Variants in PHKG2 observed in about 807,000 individuals in gnomAD.
PHKG2 encodes the protein phosphorylase b kinase gamma catalytic chain, liver/testis isoform.
Under a neutral mutation model 44.5 loss-of-function variants are expected in PHKG2, and 28 were observed. That is an observed-to-expected ratio of 0.63 (90% CI 0.47 to 0.86). PHKG2 has a LOEUF of 0.86. PHKG2 is among the 40% of genes least tolerant of loss of function. The pLI is 0.00. For synonymous variants in PHKG2, 220 were observed against 211.2 expected, an observed-to-expected ratio of 1.04 and a Z score of -0.36; for missense variants, 498 against 547.5, an observed-to-expected ratio of 0.91 and a Z score of 0.90.
Position 30,751,275 on chromosome 16 carries a change from C to A in PHKG2, c.265C>A (p.His89Asn). The A allele has an allele frequency of 1.9e-6, 3 of 1,609,448 alleles. No individual in the cohort carries two copies. Among genetic ancestry groups the A allele is most frequent in the South Asian group, 2.2e-5 (2 of 91,082 alleles). Residue 89 changes from histidine to asparagine, a missense_variant, in exon 3 of 10, where the codon CAC (histidine) becomes AAC (asparagine). His to Asn is a moderately conservative substitution (Grantham distance 68). Transcript: ENST00000563588. ...HILRQVAGHP[H>N]IITLIDSYES... Reference sequence around the variant, plus strand: ...CCTTCGCCAGGTCGCCGGCCACCCCCACATCAGTGAGGCTGTCTTCCTTGC... The same window carrying A: ...CCTTCGCCAGGTCGCCGGCCACCCCAACATCAGTGAGGCTGTCTTCCTTGC...
chr16:30,757,093 G>A lies in PHKG2; in HGVS notation c.1217G>A (p.Gly406Asp). The change falls in exon 10 of 10, where the codon GGC becomes GAC. Residue 406 changes from glycine to aspartate, a missense_variant. Transcript: ENST00000563588. The stretch of plus-strand genomic sequence containing the variant: ...GAGGATGAGGCCGTGCTTGTGCTGG[G>A]CTAGGACCTCAACCCCAGGGATTCC... Reference protein sequence around the residue: ...ITEDEAVLVLG With the variant: ...ITEDEAVLVLD 6.2e-7 allele frequency: 1 copy of A among 1,613,268 alleles called. No homozygotes were observed. The highest frequency in any genetic ancestry group is 8.5e-7 in the Non-Finnish European group (1 of 1,180,018).
rs372158952 is a variant in PHKG2 at position 30,755,462 on chromosome 16, G to T, written c.557-720G>T. The stretch of plus-strand genomic sequence containing the variant: ...GGAGCCCGAGGTGGGCGGATCACGA[G>T]TCAGGAGTTCAAGACCAGCCTGGCC... On this transcript the variant is annotated intron_variant, in intron 6 of 9. Transcript: ENST00000563588. Among the ~76,000 whole-genome samples, 136 of 152,158 alleles carry T rather than the reference G, an allele frequency of 8.9e-4. 2 individuals are homozygous for T. The highest frequency in any genetic ancestry group is 3.4e-3 in the Middle Eastern group (1 of 294).
rs1262111065 is a variant in PHKG2 at position 30,760,254 on chromosome 16, G to A, written c.*3157G>A. ...CAGGCCCGGTTCCTCTTCTCCCTGG[G>A]GCTCAAACCTGGTAGCTGCCCCCTC... On this transcript the variant is annotated 3_prime_UTR_variant, in exon 10 of 10. Coordinates refer to ENST00000563588, the MANE Select transcript of PHKG2 (RefSeq NM_000294.3). 1.9e-6 allele frequency: 3 copies of A among 1,613,806 alleles called. No individual in the cohort carries two copies. Among genetic ancestry groups the A allele is most frequent in the Non-Finnish European group, 2.5e-6 (3 of 1,180,032 alleles).
Position 30,757,382 on chromosome 16 carries a change from G to A in PHKG2, c.*285G>A, listed in dbSNP as rs931978984. The A allele has an allele frequency of 1.9e-6, 3 of 1,544,456 alleles. No individual in the cohort carries two copies. The highest frequency in any genetic ancestry group is 3.9e-5 in the Admixed American group (2 of 50,960). ...CAGGGAGAACAGGTGTCCTGTGTCT[G>A]TCTGGCTTGGGCAGGAAAGCCCAGA... is the stretch of plus-strand genomic sequence containing the variant. On this transcript the variant is annotated 3_prime_UTR_variant, in exon 10 of 10. Coordinates refer to ENST00000563588, the MANE Select transcript of PHKG2 (RefSeq NM_000294.3).
Position 30,759,335 on chromosome 16 carries a change from C to G in PHKG2, c.*2238C>G. The G allele has an allele frequency of 6.2e-7, 1 of 1,613,256 alleles. No homozygotes were observed. The highest frequency in any genetic ancestry group is 8.5e-7 in the Non-Finnish European group (1 of 1,179,308). ...AGGGTGGCTCCTCATGGTCCACCAC[C>G]CCCTACCTGGGGTGTGAAGACGTAT... is the stretch of plus-strand genomic sequence containing the variant. On this transcript the variant is annotated 3_prime_UTR_variant, in exon 10 of 10. Transcript: ENST00000563588.
rs2151310822 is a variant in PHKG2 at position 30,756,911 on chromosome 16, A to G, written c.1035A>G (p.Ser345=). 1 of 1,614,106 alleles carries G rather than the reference A, an allele frequency of 6.2e-7. No individual in the cohort carries two copies. The change falls in exon 10 of 10, where the codon TCA becomes TCG. Residue 345 remains serine (S), a synonymous_variant. Coordinates refer to ENST00000563588, the MANE Select transcript of PHKG2 (RefSeq NM_000294.3). ...TGAGGGACCCTTATGCGCTGCGGTC[A>G]GTGCGGCACCTCATCGACAACTGTG... ...ALLRDPYALR[S]VRHLIDNCAF...
Position 30,756,933 on chromosome 16 carries a change from T to C in PHKG2, c.1057T>C (p.Cys353Arg). The C allele has an allele frequency of 6.2e-7, 1 of 1,613,890 alleles. No individual in the cohort carries two copies. The highest frequency in any genetic ancestry group is 8.5e-7 in the Non-Finnish European group (1 of 1,180,020). Residue 353 changes from cysteine (C) to arginine (R), a missense_variant, in exon 10 of 10, where the codon TGT becomes CGT. By Grantham distance (180) the Cys-to-Arg change is radical (BLOSUM62 -3). Coordinates refer to ENST00000563588, the MANE Select transcript of PHKG2 (RefSeq NM_000294.3). ...GTCAGTGCGGCACCTCATCGACAAC[T>C]GTGCCTTCCGGCTCTACGGGCACTG... is the stretch of plus-strand genomic sequence containing the variant. ...LRSVRHLIDN[C>R]AFRLYGHWVK...
rs1228709402 is a variant in PHKG2, at chr16:30,756,356, C to T, written c.648-11C>T. 1.9e-6 allele frequency: 3 copies of T among 1,614,168 alleles called. No homozygotes were observed. The highest frequency in any genetic ancestry group is 2.5e-6 in the Non-Finnish European group (3 of 1,180,024). ...TCACCTAGTCCCGCCTGACTCCAGT[C>T]TCTTTCCCAGCTGGGCCTGTGGGGT... On this transcript the variant is annotated splice_polypyrimidine_tract_variant and intron_variant, in intron 7 of 9. Coordinates refer to ENST00000563588, the MANE Select transcript of PHKG2 (RefSeq NM_000294.3).
intron 1 of PHKG2, 129 bp from the exon 2 acceptor site, chr16:30,748,674 C>A: frequency 3.4e-6 from 1 of 298,296 alleles, no homozygotes; most frequent in Non-Finnish European, 6.5e-6. Context: ...CGGGTCCTTC[C>A]CCCACCCCCC....
Position 30,756,527 on chromosome 16 carries a change from G to A in PHKG2, c.801+7G>A, listed in dbSNP as rs571054237. 12 of 1,612,740 alleles carry A rather than the reference G, an allele frequency of 7.4e-6. No homozygotes were observed. Among genetic ancestry groups the A allele is most frequent in the South Asian group, 4.4e-5 (4 of 91,080 alleles). On this transcript the variant is annotated splice_region_variant and intron_variant, in intron 8 of 9. Transcript: ENST00000563588. ...CAGCACTGTCAAAGACCTGGTGAGC[G>A]GGGGCTGAGAGGACAGTAGGGGAGG...
At position 30,760,217 on chromosome 16, in the gene PHKG2, G is replaced by C. The variant is rs780047944; in HGVS notation, c.*3120G>C. The C allele has an allele frequency of 1.9e-6, 3 of 1,612,234 alleles. No homozygotes were observed. In the Admixed American group the frequency reaches 5.0e-5, roughly 27 times the overall value. ...GAAATCCCCTGCTTCTGCTTCCCAT[G>C]GTCACTTGTGCCAGGCCCGGTTCCT... On this transcript the variant is annotated 3_prime_UTR_variant, in exon 10 of 10. Transcript: ENST00000563588.
intron 3 of PHKG2, 75 bp downstream of exon 3, chr16:30,751,356 G>A (rs768381220): frequency 1.1e-5 from 17 of 1,489,134 alleles, no homozygotes; most frequent in African/African-American, 1.4e-5. Context: ...GCCCACTTCC[G>A]CCAACATTGC....
chr16:30,757,917 C>A lies in PHKG2; in HGVS notation c.*820C>A. 2.4e-6 allele frequency: 2 copies of A among 844,710 alleles called. No individual in the cohort carries two copies. Among genetic ancestry groups the A allele is most frequent in the Non-Finnish European group, 3.3e-6 (2 of 613,074 alleles). The allele number at this position is 844,710 out of a possible 1,614,324, so 52.3% of individuals were successfully genotyped here. On this transcript the variant is annotated 3_prime_UTR_variant, in exon 10 of 10. Transcript: ENST00000563588. ...AGGCAGGTTATTTAACCTATCTGTG[C>A]CTCAGTTTCCTTGTATGAAATGTGG...
intron 4 of PHKG2, 68 bp downstream of exon 4, chr16:30,751,671 G>A: frequency 2.3e-6 from 3 of 1,317,038 alleles, no homozygotes; most frequent in East Asian, 2.3e-5. Flanking sequence ...AGCATTTGTG[G>A]TGCAGTGGGC....
chr16:30,756,321 G>C, intron 7 of PHKG2, 46 bp from the exon 8 acceptor site: 1 of 1,614,102 alleles, frequency 6.2e-7, no homozygotes, highest in African/African-American at 1.3e-5. Flanking sequence ...TCCTTTGCTG[G>C]GTCTGCCCGT....
At chr16:30,748,657 C>T (rs1251705399) in intron 1 of PHKG2, 146 bp from the exon 2 acceptor site, 2 of 549,630 alleles carry the variant, frequency 3.6e-6, no homozygotes, top group African/African-American at 3.8e-5. Flanking sequence ...GCGGGGTCTC[C>T]CCAGTCCGGG....
In PHKG2 at chr16:30,760,927, C is replaced by CACA. The variant is rs2053729365; in HGVS notation, c.*3830_*3831insACA. 2 of 610,850 alleles carry CACA rather than the reference C, an allele frequency of 3.3e-6. No individual in the cohort carries two copies. The highest frequency in any genetic ancestry group is 5.8e-5 in the Admixed American group (2 of 34,602). The allele number at this position is 610,850 out of a possible 1,614,324, so 37.8% of individuals were successfully genotyped here. On this transcript the variant is annotated 3_prime_UTR_variant, in exon 10 of 10. Coordinates refer to ENST00000563588, the MANE Select transcript of PHKG2 (RefSeq NM_000294.3). ...TACCTTGTATGACCTTGGTCAAGTA[C>CACA]TCCCTGTGGCCCTCAGTGTCCCCCT...
intron 1 of PHKG2, 61 bp downstream of exon 1, chr16:30,748,551 A>G: frequency 1.9e-6 from 1 of 519,766 alleles, no homozygotes; most frequent in East Asian, 3.3e-5. Flanking sequence ...CTGCGCGGCA[A>G]CAGCCGCCTG....
chr16:30,748,464 C>T lies in PHKG2; in HGVS notation c.-45C>T. On this transcript the variant is annotated 5_prime_UTR_variant, in exon 1 of 10. Coordinates refer to ENST00000563588, the MANE Select transcript of PHKG2 (RefSeq NM_000294.3). ...CCGGCGACAGCGCAGCTCGCGTCGA[C>T]CCTGGCTCCTCTGCCTGCCCCCTCA... 1 of 341,318 alleles carries T rather than the reference C, an allele frequency of 2.9e-6. No individual in the cohort carries two copies. Among genetic ancestry groups the T allele is most frequent in the South Asian group, 3.8e-5 (1 of 26,378 alleles). The allele number at this position is 341,318 out of a possible 1,614,324, so 21.1% of individuals were successfully genotyped here. A position where few individuals can be genotyped will look rare whatever the true frequency, so the allele number is the denominator to read the frequency against.
Sources: gnomAD v4.1 joint callset for allele counts (sites outside exome capture counted in the v4.1 genomes callset) on GRCh38, gnomAD v4.1.1 for gene constraint, MANE v1.5 for transcripts, NCBI Gene and HGNC (gene_info 2026-07-23, HGNC 2026-07-21) for gene names.